Variants in CADPS observed in about 807,000 individuals in gnomAD.
CADPS encodes the protein calcium dependent secretion activator, also known as calcium-dependent secretion activator 1.
Under a neutral mutation model 167.3 loss-of-function variants are expected in CADPS, and 57 were observed. The observed-to-expected ratio is 0.34, with a 90% confidence interval of 0.28 to 0.42. The LOEUF is 0.42. Ranked by LOEUF, CADPS falls within the 20% of genes least tolerant of loss-of-function variation. The pLI is 1.00. For synonymous variants in CADPS, 676 were observed against 635.3 expected (o/e 1.06, Z -0.96); for missense variants, 1,414 against 1,738.1 (o/e 0.81, Z 3.32).
intron 3 of CADPS, among the ~76,000 whole-genome samples, chr3:62,747,465 AT>A (rs2081728171): frequency 6.6e-6 from 1 of 152,304 alleles, no homozygotes; most frequent in Non-Finnish European, 1.5e-5. Flanking sequence ...AGGCCTGATA[AT>A]TTGAGGTTTC....
rs186181723 is a variant in CADPS at position 62,512,208 on chromosome 3, G to A, written c.2599+543C>T. 7.4e-3 allele frequency among the ~76,000 whole-genome samples: 1,129 copies of A among 152,108 alleles called. 4 individuals are homozygous for A. The highest frequency in any genetic ancestry group is 0.012 in the Non-Finnish European group (839 of 67,960). On this transcript the variant is annotated intron_variant, in intron 17 of 29. Coordinates refer to ENST00000383710, the MANE Select transcript of CADPS (RefSeq NM_003716.4). ...GGGACCAAACAAGAAGAAAATTTCCGAAGCCAGAACTTTCCAAGAGCTTTC... is the reference window on the plus strand; with the variant it reads ...GGGACCAAACAAGAAGAAAATTTCCAAAGCCAGAACTTTCCAAGAGCTTTC...
intron 23 of CADPS, among the ~76,000 whole-genome samples, chr3:62,475,603 A>AC (rs1275748939): frequency 2.7e-5 from 4 of 149,532 alleles, no homozygotes; most frequent in African/African-American, 2.4e-5. Context: ...AAAAAAAAAA[A>AC]AAAAAAAAAC....
At chr3:62,816,222 C>A (rs1423104985) in intron 1 of CADPS, among the ~76,000 whole-genome samples, 1 of 152,062 alleles carries the variant, frequency 6.6e-6, no homozygotes, top group Admixed American at 6.6e-5. Context: ...AAAATCCTTT[C>A]CCATTTTAAC....
chr3:62,865,840 A>G (rs2081581908), intron 1 of CADPS, among the ~76,000 whole-genome samples: 1 of 152,168 alleles, frequency 6.6e-6, no homozygotes, highest in Non-Finnish European at 1.5e-5. Context: ...ATAAAATAAC[A>G]GAAAATAATG....
chr3:62,557,554 C>A (rs1299204457), intron 9 of CADPS, 41 bp from the exon 10 acceptor site: 1 of 1,485,888 alleles, frequency 6.7e-7, no homozygotes, highest in Admixed American at 1.7e-5. Flanking sequence ...CCCCTGGAGC[C>A]TGTCTTCTCC....
At chr3:62,538,426 C>T (rs909395480) in intron 11 of CADPS, among the ~76,000 whole-genome samples, 8 of 152,046 alleles carry the variant, frequency 5.3e-5, no homozygotes, top group South Asian at 2.1e-4. Flanking sequence ...TAGACTCTGC[C>T]CTCTCACCTC....
At chr3:62,743,505 T>C (rs2080768476) in intron 3 of CADPS, among the ~76,000 whole-genome samples, 1 of 152,174 alleles carries the variant, frequency 6.6e-6, no homozygotes, top group Non-Finnish European at 1.5e-5. Flanking sequence ...TGTATGTTCT[T>C]CCTCCAAAGA....
At chr3:62,808,945 A>G (rs1559724707) in intron 1 of CADPS, among the ~76,000 whole-genome samples, 1 of 152,244 alleles carries the variant, frequency 6.6e-6, no homozygotes, top group East Asian at 1.9e-4. Context: ...AACTCAATAA[A>G]CAATACCACC....
At chr3:62,472,381 C>T (rs187559799) in intron 24 of CADPS, among the ~76,000 whole-genome samples, 152 of 152,184 alleles carry the variant, frequency 1.0e-3, no homozygotes, top group Non-Finnish European at 1.9e-3. Context: ...ACAGTAGCTC[C>T]AAGGGGAGAA....
intron 3 of CADPS, among the ~76,000 whole-genome samples, chr3:62,664,739 G>A (rs1420693635): frequency 2.0e-5 from 3 of 152,180 alleles, no homozygotes; most frequent in Admixed American, 1.3e-4. Context: ...TATGGTGCTC[G>A]TACAGGTTAA....
chr3:62,430,148 T>C (rs2053622225), intron 28 of CADPS, among the ~76,000 whole-genome samples: 1 of 152,218 alleles, frequency 6.6e-6, no homozygotes, highest in African/African-American at 2.4e-5. Flanking sequence ...TCCAAATCTG[T>C]TAATGCCCCT....
In CADPS at chr3:62,478,167, A is replaced by T; in HGVS notation, c.3329+94T>A. The T allele has an allele frequency of 7.3e-7, 1 of 1,373,706 alleles. No individual in the cohort carries two copies. Among genetic ancestry groups the T allele is most frequent in the Non-Finnish European group, 1.0e-6 (1 of 986,224 alleles). 85.1% of individuals were successfully genotyped at this position (1,373,706 alleles called of 1,614,324 possible). ...AATCCCCTTCTCCAATTAGTTTCAAACTACAGCCAATTGAAAGAGCAGCCA... is the reference window on the plus strand; with the variant it reads ...AATCCCCTTCTCCAATTAGTTTCAATCTACAGCCAATTGAAAGAGCAGCCA... On this transcript the variant is annotated intron_variant, in intron 23 of 29. Coordinates refer to ENST00000383710, the MANE Select transcript of CADPS (RefSeq NM_003716.4). The surrounding 1 kb of genome is among the most constrained non-coding windows in gnomAD (Gnocchi z 5.7).
chr3:62,765,445 G>C (rs1047982748), intron 2 of CADPS, among the ~76,000 whole-genome samples: 18 of 152,102 alleles, frequency 1.2e-4, no homozygotes, highest in Admixed American at 1.1e-3. Flanking sequence ...TCCTTGGGAG[G>C]TGCTAACATC....
At chr3:62,754,835 A>G (rs1332806694) in intron 2 of CADPS, among the ~76,000 whole-genome samples, 2 of 152,222 alleles carry the variant, frequency 1.3e-5, no homozygotes, top group Non-Finnish European at 2.9e-5. Context: ...TCAGGCACAT[A>G]GCATTAAACA....
rs572777205 is a variant in CADPS, at chr3:62,843,607, T to C, written c.441+30982A>G. Among the ~76,000 whole-genome samples the C allele has an allele frequency of 6.6e-5, 10 of 152,240 alleles. No individual in the cohort carries two copies. The East Asian group carries it at 1.9e-3, about 29-fold the overall frequency. On this transcript the variant is annotated intron_variant, in intron 1 of 29. Coordinates refer to ENST00000383710, the MANE Select transcript of CADPS (RefSeq NM_003716.4). Reference sequence around the variant, plus strand: ...TCTGGGTGCCAAGTTACTTCCATTATGTTGCTCCATTTTCAAAACAAAACT... The same window carrying C: ...TCTGGGTGCCAAGTTACTTCCATTACGTTGCTCCATTTTCAAAACAAAACT...
chr3:62,524,642 T>A (rs1037212386), intron 13 of CADPS, among the ~76,000 whole-genome samples: 2 of 152,130 alleles, frequency 1.3e-5, no homozygotes, highest in East Asian at 1.9e-4. Flanking sequence ...CCTAACAGTA[T>A]CAGAAGGTGT....
intron 24 of CADPS, among the ~76,000 whole-genome samples, chr3:62,471,285 G>A (rs925811552): frequency 6.6e-6 from 1 of 152,162 alleles, no homozygotes; most frequent in Non-Finnish European, 1.5e-5. Flanking sequence ...TAGTGGTAAA[G>A]AGAAAAGAAG....
rs1352502514 is a variant in CADPS, at chr3:62,499,255, C to T, written c.2613G>A (p.Arg871=). ...CAAGCTTTTTGGCAGGAGTGATTAACCGGCCTACATTTTCTGTAGTACAAG... is the reference window on the plus strand; with the variant it reads ...CAAGCTTTTTGGCAGGAGTGATTAATCGGCCTACATTTTCTGTAGTACAAG... ...ENQKDAENVG[R]LITPAKKLED... Residue 871 remains arginine (R), a synonymous_variant, in exon 18 of 30, where the codon CGG becomes CGA. Transcript: ENST00000383710. The T allele has an allele frequency of 6.2e-7, 1 of 1,612,018 alleles. No homozygotes were observed. The highest frequency in any genetic ancestry group is 8.5e-7 in the Non-Finnish European group (1 of 1,178,186).
In CADPS at chr3:62,585,213, C is replaced by A. The variant is rs1467669027; in HGVS notation, c.1549G>T (p.Asp517Tyr). ...DLKIKLAVRM[D>Y]KPQNMKHSGY... Reference sequence around the variant, plus strand: ...GAATGCTTCATGTTTTGAGGCTTATCCATTCGGACAGCAAGTTTGATTTTG... The same window carrying A: ...GAATGCTTCATGTTTTGAGGCTTATACATTCGGACAGCAAGTTTGATTTTG... The change falls in exon 8 of 30, where the codon GAT (aspartate) becomes TAT (tyrosine). Residue 517 changes from aspartate (D) to tyrosine (Y), a missense_variant. Coordinates refer to ENST00000383710, the MANE Select transcript of CADPS (RefSeq NM_003716.4). 4.3e-6 allele frequency: 7 copies of A among 1,613,958 alleles called. No individual in the cohort carries two copies. Among genetic ancestry groups the A allele is most frequent in the Non-Finnish European group, 5.1e-6 (6 of 1,179,898 alleles).
Sources: allele counts gnomAD v4.1 joint callset (sites outside exome capture counted in the v4.1 genomes callset), GRCh38; gene constraint gnomAD v4.1.1; non-coding constraint Gnocchi (gnomAD v3.1); transcripts MANE v1.5; gene names NCBI Gene and HGNC (gene_info 2026-07-23, HGNC 2026-07-21).